The following DNER variants were observed in gnomAD, a reference collection of about 807,000 sequenced individuals.
The protein encoded by DNER is delta/notch like EGF repeat containing, also known as delta and Notch-like epidermal growth factor-related receptor.
Under a neutral mutation model 78.2 loss-of-function variants are expected in DNER, and 33 were observed. The ratio of observed to expected loss-of-function variants is 0.42; its 90% confidence interval spans 0.32 to 0.56. The LOEUF is 0.56. DNER is among the 20% of genes least tolerant of loss of function. The probability of loss-of-function intolerance (pLI) is 0.11; values close to 1 mark genes in which losing one functional copy is unlikely to be tolerated. For synonymous variants in DNER, 417 were observed against 384.8 expected (o/e 1.08, Z -0.98); for missense variants, 918 against 975.3 (o/e 0.94, Z 0.78).
chr2:229,662,483 C>G (rs763147736), intron 1 of DNER, among the ~76,000 whole-genome samples: 6 of 152,188 alleles, frequency 3.9e-5, no homozygotes, highest in Non-Finnish European at 7.3e-5. Flanking sequence ...GGCAAAATAA[C>G]TTGTTCAAGG....
At chr2:229,668,956 A>G (rs920666621) in intron 1 of DNER, among the ~76,000 whole-genome samples, 1 of 152,106 alleles carries the variant, frequency 6.6e-6, no homozygotes, top group African/African-American at 2.4e-5. Flanking sequence ...AATAGCAAAG[A>G]CTTGGAACCA....
At position 229,700,933 on chromosome 2, in the gene DNER, A is replaced by T. The variant is rs1473725874; in HGVS notation, c.276+13215T>A. ...AGATATGGTAAGATGCTCAAAATAG[A>T]TTAAGGAAAACATTGCAGAACATTA... On this transcript the variant is annotated intron_variant, in intron 1 of 12. Transcript: ENST00000341772. 2.0e-5 allele frequency among the ~76,000 whole-genome samples: 3 copies of T among 152,142 alleles called. No individual in the cohort carries two copies. In the East Asian group the frequency reaches 5.8e-4, roughly 29 times the overall value.
intron 1 of DNER, among the ~76,000 whole-genome samples, chr2:229,654,115 T>TC (rs1323284328): frequency 6.7e-6 from 1 of 149,038 alleles, no homozygotes; most frequent in African/African-American, 2.5e-5. Context: ...TATCCCCCAC[T>TC]CCCCCCACCC....
At chr2:229,587,150 T>C (rs1156994529) in intron 3 of DNER, 1 of 211,052 alleles carries the variant, frequency 4.7e-6, no homozygotes, top group East Asian at 1.9e-4. Context: ...TAAGATAATA[T>C]GATCTAGACA....
intron 1 of DNER, among the ~76,000 whole-genome samples, chr2:229,702,535 C>T (rs1559214767): frequency 2.0e-5 from 3 of 151,824 alleles, no homozygotes; most frequent in African/African-American, 7.3e-5. Flanking sequence ...GACCCTGTCA[C>T]CGAAAATAAT....
intron 1 of DNER, among the ~76,000 whole-genome samples, chr2:229,684,371 C>T (rs1432240111): frequency 1.3e-5 from 2 of 151,820 alleles, no homozygotes; most frequent in Non-Finnish European, 2.9e-5. Flanking sequence ...TCCACCCCAT[C>T]CCCCTCTTCA....
At chr2:229,616,382 C>A (rs1698163566) in intron 1 of DNER, among the ~76,000 whole-genome samples, 2 of 152,056 alleles carry the variant, frequency 1.3e-5, no homozygotes, top group African/African-American at 4.8e-5. Context: ...TCTCATTGGC[C>A]AACTCTATGA....
At chr2:229,494,705 A>G (rs892528891) in intron 6 of DNER, among the ~76,000 whole-genome samples, 25 of 152,188 alleles carry the variant, frequency 1.6e-4, no homozygotes, top group Non-Finnish European at 5.9e-5. Flanking sequence ...GGATTATACC[A>G]TCTCTGTAGT....
chr2:229,590,859 T>C (rs554716183), intron 2 of DNER, among the ~76,000 whole-genome samples: 9 of 152,304 alleles, frequency 5.9e-5, no homozygotes, highest in African/African-American at 2.2e-4. Context: ...TGGTAGGAGA[T>C]GTTTGGGCCA....
At chr2:229,412,871 A>G (rs1283264718) in intron 9 of DNER, among the ~76,000 whole-genome samples, 4 of 152,208 alleles carry the variant, frequency 2.6e-5, no homozygotes, top group African/African-American at 9.7e-5. Flanking sequence ...ATTTCACCAA[A>G]TGACTTCAAT....
At chr2:229,653,585 ATT>A (rs11365732) in intron 1 of DNER, among the ~76,000 whole-genome samples, 1 of 151,630 alleles carries the variant, frequency 6.6e-6, no homozygotes, top group Non-Finnish European at 1.5e-5. Context: ...CCCAACACCA[ATT>A]TTTTTTTCTC....
At chr2:229,407,188 C>A in intron 10 of DNER, 44 bp downstream of exon 10, 1 of 1,555,186 alleles carries the variant, frequency 6.4e-7, no homozygotes. Context: ...CAATCTCGGG[C>A]ACTTTGTGGT....
At chr2:229,452,431 G>A (rs912888886) in intron 7 of DNER, among the ~76,000 whole-genome samples, 1 of 152,050 alleles carries the variant, frequency 6.6e-6, no homozygotes, top group African/African-American at 2.4e-5. Flanking sequence ...ACAGAGGGTG[G>A]ATCAGGTGTA....
At chr2:229,442,442 G>A (rs1302303569) in intron 8 of DNER, among the ~76,000 whole-genome samples, 1 of 152,028 alleles carries the variant, frequency 6.6e-6, no homozygotes, top group Non-Finnish European at 1.5e-5. Flanking sequence ...GTGAACCTGG[G>A]AGGCGGAGGT....
In DNER at chr2:229,714,400, C is replaced by G. The variant is rs1699962741; in HGVS notation, c.24G>C (p.Ala8=). The change falls in exon 1 of 13, where the codon GCG becomes GCC. Residue 8 remains alanine (A), a synonymous_variant. Coordinates refer to ENST00000341772, the MANE Select transcript of DNER (RefSeq NM_139072.4). ...GCGCGGGCAGCAGCTGCGCACCGGG[C>G]GCCTGGGCGCGGCGGGGCTGCATGG... is the stretch of plus-strand genomic sequence containing the variant. MQPRRAQ[A]PGAQLLPALA... The G allele has an allele frequency of 1.7e-6, 2 of 1,174,242 alleles. No individual in the cohort carries two copies. The highest frequency in any genetic ancestry group is 8.0e-5 in the East Asian group (2 of 24,922). The allele number at this position is 1,174,242 out of a possible 1,614,324, so 72.7% of individuals were successfully genotyped here. A position where few individuals can be genotyped will look rare whatever the true frequency, so the allele number is the denominator to read the frequency against.
chr2:229,662,535 G>C (rs1334054696), intron 1 of DNER, among the ~76,000 whole-genome samples: 1 of 152,134 alleles, frequency 6.6e-6, no homozygotes, highest in East Asian at 1.9e-4. Context: ...GCAGAACCAG[G>C]GGTTCTGGGT....
At chr2:229,698,711 C>T (rs1699698660) in intron 1 of DNER, among the ~76,000 whole-genome samples, 1 of 152,116 alleles carries the variant, frequency 6.6e-6, no homozygotes, top group South Asian at 2.1e-4. Flanking sequence ...ATCCTACTCT[C>T]CCTTGGTAAA....
intron 1 of DNER, among the ~76,000 whole-genome samples, chr2:229,693,633 A>G (rs1699616638): frequency 6.6e-6 from 1 of 152,182 alleles, no homozygotes; most frequent in South Asian, 2.1e-4. Flanking sequence ...ACCAGAGTAA[A>G]GGTCACTCTT....
At chr2:229,403,539 C>T (rs932840140) in intron 10 of DNER, among the ~76,000 whole-genome samples, 1 of 152,086 alleles carries the variant, frequency 6.6e-6, no homozygotes, top group Non-Finnish European at 1.5e-5. Context: ...CAGCACAACC[C>T]CTAAATGACT....
Sources: allele counts gnomAD v4.1 joint callset (sites outside exome capture counted in the v4.1 genomes callset), GRCh38; gene constraint gnomAD v4.1.1; transcripts MANE v1.5; gene names NCBI Gene and HGNC (gene_info 2026-07-23, HGNC 2026-07-21).